The following AGBL4 variants were observed in gnomAD, a reference collection of about 807,000 sequenced individuals.
AGBL4 encodes cytosolic carboxypeptidase 6.
Under a neutral mutation model 66.4 loss-of-function variants are expected in AGBL4, and 58 were observed. The observed-to-expected ratio is 0.87, with a 90% CI of 0.71 to 1.09. The LOEUF (loss-of-function observed/expected upper bound fraction) is 1.09. AGBL4 is among the 50% of genes least tolerant of loss of function. AGBL4 has a pLI of 0.00. For synonymous variants in AGBL4, 234 were observed against 222.9 expected, an observed-to-expected ratio of 1.05 and a Z score of -0.44; for missense variants, 579 against 631.0, an observed-to-expected ratio of 0.92 and a Z score of 0.88.
At chr1:48,722,466 A>G (rs2148534616) in intron 6 of AGBL4, among the ~76,000 whole-genome samples, 1 of 151,578 alleles carries the variant, frequency 6.6e-6, no homozygotes, top group South Asian at 2.1e-4. Context: ...CTACCCAACA[A>G]CTGCATAATG....
chr1:49,176,160 C>T (rs1211540031), intron 4 of AGBL4, among the ~76,000 whole-genome samples: 2 of 151,992 alleles, frequency 1.3e-5, no homozygotes, highest in African/African-American at 4.8e-5. Flanking sequence ...ATGGTGATGA[C>T]AATGATGATG....
At chr1:49,201,952 C>A (rs1480807837) in intron 4 of AGBL4, among the ~76,000 whole-genome samples, 1 of 151,680 alleles carries the variant, frequency 6.6e-6, no homozygotes. Context: ...CATTAGCAAC[C>A]AATGAGTACC....
At chr1:48,637,881 G>T (rs1220123824) in intron 8 of AGBL4, among the ~76,000 whole-genome samples, 4 of 152,126 alleles carry the variant, frequency 2.6e-5, no homozygotes, top group Non-Finnish European at 5.9e-5. Flanking sequence ...ACTTCCCAAT[G>T]ACTAGTCAAA....
chr1:48,911,049 T>A lies in AGBL4; in HGVS notation c.595-43819A>T, dbSNP rs111688333. ...AACTGGTTTTTTGATCAGTTTTGTG[T>A]GACCCTTTAAAAAAGAATGGAGCCT... On this transcript the variant is annotated intron_variant, in intron 5 of 13. Coordinates refer to ENST00000371839, the MANE Select transcript of AGBL4 (RefSeq NM_032785.4). Among the ~76,000 whole-genome samples, 322 of 152,308 alleles carry A rather than the reference T, an allele frequency of 2.1e-3. 2 individuals are homozygous for A. Among genetic ancestry groups the A allele is most frequent in the African/African-American group, 7.3e-3 (303 of 41,576 alleles).
intron 9 of AGBL4, among the ~76,000 whole-genome samples, chr1:48,600,398 C>T (rs1645056825): frequency 1.3e-5 from 2 of 152,102 alleles, no homozygotes; most frequent in South Asian, 4.1e-4. Context: ...ACAACCTTAT[C>T]AGATAGAAAC....
chr1:49,373,383 A>T (rs1644406578), intron 3 of AGBL4, among the ~76,000 whole-genome samples: 1 of 152,202 alleles, frequency 6.6e-6, no homozygotes, highest in African/African-American at 2.4e-5. Flanking sequence ...TAATTCAGGC[A>T]GGGATTTGCC....
intron 2 of AGBL4, among the ~76,000 whole-genome samples, chr1:49,723,110 A>G (rs1648737175): frequency 6.6e-6 from 1 of 152,122 alleles, no homozygotes; most frequent in Non-Finnish European, 1.5e-5. Flanking sequence ...CCAGAAATCA[A>G]TGACAATCCC....
chr1:49,981,777 T>C (rs377234943), intron 1 of AGBL4, among the ~76,000 whole-genome samples: 13 of 152,320 alleles, frequency 8.5e-5, no homozygotes, highest in Admixed American at 3.9e-4. Context: ...ACTAAACCAA[T>C]TTCCTAATCT....
chr1:49,083,394 T>C (rs1050557261), intron 4 of AGBL4, among the ~76,000 whole-genome samples: 5 of 152,168 alleles, frequency 3.3e-5, no homozygotes, highest in African/African-American at 4.8e-5. Flanking sequence ...TAGATGGAGG[T>C]TCCCAAACCT....
At chr1:49,103,653 G>T (rs1645242078) in intron 4 of AGBL4, among the ~76,000 whole-genome samples, 1 of 152,076 alleles carries the variant, frequency 6.6e-6, no homozygotes, top group Non-Finnish European at 1.5e-5. Context: ...TCTTCCCCTA[G>T]GCTGCTCCCT....
At chr1:48,620,068 G>T (rs76029666) in intron 9 of AGBL4, among the ~76,000 whole-genome samples, 3,191 of 152,144 alleles carry the variant, frequency 0.021, 126 homozygotes, top group African/African-American at 0.074. Flanking sequence ...AGGTTAAACC[G>T]TAAAATCCAC....
chr1:49,192,983 C>T (rs1647152065), intron 4 of AGBL4, among the ~76,000 whole-genome samples: 1 of 152,156 alleles, frequency 6.6e-6, no homozygotes, highest in African/African-American at 2.4e-5. Flanking sequence ...TCATCCATTT[C>T]CTCCATGTTT....
At chr1:49,414,200 T>C (rs1458284030) in intron 3 of AGBL4, among the ~76,000 whole-genome samples, 1 of 152,158 alleles carries the variant, frequency 6.6e-6, no homozygotes, top group Non-Finnish European at 1.5e-5. Flanking sequence ...CACATACACA[T>C]ATATATAAGC....
At chr1:48,875,510 TCAG>T (rs1649133276) in intron 5 of AGBL4, among the ~76,000 whole-genome samples, 1 of 152,142 alleles carries the variant, frequency 6.6e-6, no homozygotes, top group South Asian at 2.1e-4. Flanking sequence ...AAACAAAACC[TCAG>T]CTGCACATGT....
At chr1:49,838,483 G>T (rs971810407) in intron 2 of AGBL4, among the ~76,000 whole-genome samples, 2 of 152,144 alleles carry the variant, frequency 1.3e-5, no homozygotes, top group African/African-American at 4.8e-5. Flanking sequence ...GGTGGAAAAT[G>T]GAATTAATTG....
Position 48,881,762 on chromosome 1 carries a change from C to T in AGBL4, c.595-14532G>A, listed in dbSNP as rs372138181. On this transcript the variant is annotated intron_variant, in intron 5 of 13. Coordinates refer to ENST00000371839, the MANE Select transcript of AGBL4 (RefSeq NM_032785.4). ...TCATCAAAGACACTGATTGGGCCACCGTGCAAGAGCTGTGCCTCTTTCCAG... is the reference window on the plus strand; with the variant it reads ...TCATCAAAGACACTGATTGGGCCACTGTGCAAGAGCTGTGCCTCTTTCCAG... 1.4e-4 allele frequency among the ~76,000 whole-genome samples: 22 copies of T among 152,260 alleles called. 1 individual carries two copies. The East Asian group carries it at 2.1e-3, about 15-fold the overall frequency.
chr1:49,549,470 T>G (rs1422595028), intron 3 of AGBL4, among the ~76,000 whole-genome samples: 1 of 152,176 alleles, frequency 6.6e-6, no homozygotes, highest in African/African-American at 2.4e-5. Context: ...GAGGTTTTGA[T>G]AGGTTGTGTC....
At chr1:49,220,181 C>A (rs1649392527) in intron 4 of AGBL4, among the ~76,000 whole-genome samples, 1 of 152,138 alleles carries the variant, frequency 6.6e-6, no homozygotes, top group Non-Finnish European at 1.5e-5. Flanking sequence ...TGAATTGGAA[C>A]TTGGAAACTA....
intron 6 of AGBL4, among the ~76,000 whole-genome samples, chr1:48,749,937 A>G (rs1299997282): frequency 1.3e-5 from 2 of 152,196 alleles, no homozygotes; most frequent in South Asian, 2.1e-4. Context: ...TGTGGTGGGA[A>G]TAAGTGGGGT....
Sources: gnomAD v4.1 joint callset for allele counts (sites outside exome capture counted in the v4.1 genomes callset) on GRCh38, gnomAD v4.1.1 for gene constraint, MANE v1.5 for transcripts, NCBI Gene and HGNC (gene_info 2026-07-23, HGNC 2026-07-21) for gene names.